Variants in CRIM1 observed in about 807,000 individuals in gnomAD.
CRIM1 encodes cysteine-rich motor neuron 1 protein.
CRIM1 carries 32 observed loss-of-function variants against 116.4 expected under a neutral mutation model. That is an observed-to-expected ratio of 0.27 (90% confidence interval 0.21 to 0.37). The LOEUF (loss-of-function observed/expected upper bound fraction) is 0.37. Among genes scored for constraint, CRIM1 ranks in the 10% least tolerant of loss-of-function variants. CRIM1 has a pLI of 1.00. For missense variants in CRIM1, 1,331 were observed against 1,354.8 expected, an observed-to-expected ratio of 0.98 and a Z score of 0.28; for synonymous variants, 590 against 509.2, an observed-to-expected ratio of 1.16 and a Z score of -2.13.
intron 8 of CRIM1, among the ~76,000 whole-genome samples, chr2:36,500,782 A>T (rs1680930600): frequency 6.6e-6 from 1 of 152,240 alleles, no homozygotes; most frequent in South Asian, 2.1e-4. Context: ...AAGCATTTAT[A>T]CCTTGAGTAG....
intron 2 of CRIM1, among the ~76,000 whole-genome samples, chr2:36,419,608 A>AAGAAGGAGGT (rs1439770268): frequency 1.3e-5 from 2 of 152,192 alleles, no homozygotes; most frequent in African/African-American, 4.8e-5. Context: ...CACTGATTTT[A>AAGAAGGAGGT]AGAAGGAGGT....
intron 2 of CRIM1, among the ~76,000 whole-genome samples, chr2:36,430,199 T>C (rs999983756): frequency 1.3e-5 from 2 of 152,214 alleles, no homozygotes; most frequent in African/African-American, 4.8e-5. Flanking sequence ...GGGAGTACTT[T>C]TTCCACCTAC....
chr2:36,382,247 G>T (rs1014511533), intron 1 of CRIM1, among the ~76,000 whole-genome samples: 11 of 152,210 alleles, frequency 7.2e-5, no homozygotes, highest in Non-Finnish European at 1.2e-4. Flanking sequence ...GCTTTTCACT[G>T]GGGATGTTTA....
intron 1 of CRIM1, among the ~76,000 whole-genome samples, chr2:36,382,920 GGAGT>G (rs1670893615): frequency 6.6e-6 from 1 of 152,180 alleles, no homozygotes; most frequent in Non-Finnish European, 1.5e-5. Context: ...GCATCCTTTG[GGAGT>G]TGTCTGCATT....
intron 5 of CRIM1, among the ~76,000 whole-genome samples, chr2:36,474,196 G>A (rs763081738): frequency 9.9e-5 from 15 of 151,810 alleles, no homozygotes; most frequent in Admixed American, 2.6e-4. Flanking sequence ...TATTTTTATC[G>A]TTTAATTATG....
rs1679036020 is a variant in CRIM1, at chr2:36,477,036, A to T, written c.1139A>T (p.Tyr380Phe). Residue 380 changes from tyrosine to phenylalanine, a missense_variant, in exon 6 of 17, where the codon TAC becomes TTC. Around this residue, in one of 3 missense-constraint regions of CRIM1, gnomAD observed 690 missense variants for 676.0 expected, o/e 1.02. Coordinates refer to ENST00000280527, the MANE Select transcript of CRIM1 (RefSeq NM_016441.3). ...GGTGAGATAAACTGCGAGAGGTACT[A>T]CGTGCCCGAAGGAGAGTGCTGCCCA... ...QCGEINCERY[Y>F]VPEGECCPVC... 6.2e-7 allele frequency: 1 copy of T among 1,613,442 alleles called. No homozygotes were observed. The highest frequency in any genetic ancestry group is 1.1e-5 in the South Asian group (1 of 90,982).
chr2:36,429,697 C>T (rs1284751856), intron 2 of CRIM1, among the ~76,000 whole-genome samples: 2 of 152,164 alleles, frequency 1.3e-5, no homozygotes. Context: ...GTTCTCAAAG[C>T]ACGGTGCCTA....
chr2:36,511,984 T>C (rs1361701742), intron 9 of CRIM1, among the ~76,000 whole-genome samples: 1 of 152,240 alleles, frequency 6.6e-6, no homozygotes, highest in Non-Finnish European at 1.5e-5. Context: ...CATCTTTTTA[T>C]TGTGGTGTAC....
At chr2:36,469,167 C>T (rs1678288986) in intron 5 of CRIM1, among the ~76,000 whole-genome samples, 1 of 152,108 alleles carries the variant, frequency 6.6e-6, no homozygotes, top group African/African-American at 2.4e-5. Flanking sequence ...AGGAAGAGTA[C>T]CCTCTTCCCA....
At chr2:36,485,810 T>TAATA (rs1679776502) in intron 7 of CRIM1, among the ~76,000 whole-genome samples, 1 of 152,194 alleles carries the variant, frequency 6.6e-6, no homozygotes, top group Non-Finnish European at 1.5e-5. Flanking sequence ...TACGATGCTA[T>TAATA]TATTAGTAAG....
Position 36,441,249 on chromosome 2 carries a change from C to T in CRIM1, c.506-9C>T, listed in dbSNP as rs770685984. ...TGGGCATAAGCTAAATTCTTTCTCT[C>T]CCTTTTAGAAGAGAAGCCAGATTGC... On this transcript the variant is annotated splice_polypyrimidine_tract_variant and intron_variant, in intron 2 of 16. Coordinates refer to ENST00000280527, the MANE Select transcript of CRIM1 (RefSeq NM_016441.3). 2.5e-6 allele frequency: 4 copies of T among 1,614,130 alleles called. No homozygotes were observed. Among genetic ancestry groups the T allele is most frequent in the Middle Eastern group, 1.6e-4 (1 of 6,062 alleles).
intron 8 of CRIM1, among the ~76,000 whole-genome samples, chr2:36,507,791 G>A (rs919124230): frequency 2.0e-5 from 3 of 152,216 alleles, no homozygotes; most frequent in African/African-American, 4.8e-5. Context: ...TAAAGGTGAA[G>A]CACATTCAAG....
intron 1 of CRIM1, among the ~76,000 whole-genome samples, chr2:36,382,615 T>TG (rs1031768142): frequency 2.0e-5 from 3 of 152,246 alleles, no homozygotes; most frequent in African/African-American, 7.2e-5. Context: ...AGCCCAGGTG[T>TG]GCAGCATCCC....
intron 1 of CRIM1, among the ~76,000 whole-genome samples, chr2:36,383,810 A>G (rs1201375643): frequency 2.0e-5 from 3 of 152,188 alleles, no homozygotes; most frequent in Admixed American, 6.5e-5. Context: ...AGGAAAAAAA[A>G]GTGTTCCTAA....
At chr2:36,391,930 TAATAA>T (rs1211718273) in intron 1 of CRIM1, among the ~76,000 whole-genome samples, 1 of 152,150 alleles carries the variant, frequency 6.6e-6, no homozygotes, top group Non-Finnish European at 1.5e-5. Context: ...GGAATTAAAA[TAATAA>T]AATAAAAATT....
At chr2:36,453,679 A>G (rs1437913112) in intron 4 of CRIM1, among the ~76,000 whole-genome samples, 1 of 152,256 alleles carries the variant, frequency 6.6e-6, no homozygotes, top group Non-Finnish European at 1.5e-5. Context: ...CTGATGTCTA[A>G]GAGCATATAT....
chr2:36,436,815 C>G (rs896468400), intron 2 of CRIM1, among the ~76,000 whole-genome samples: 1 of 152,056 alleles, frequency 6.6e-6, no homozygotes, highest in Non-Finnish European at 1.5e-5. Flanking sequence ...GGCAGTAAGA[C>G]TATAAATTAA....
At chr2:36,535,014 TC>T (rs1433138836) in intron 13 of CRIM1, among the ~76,000 whole-genome samples, 2 of 151,468 alleles carry the variant, frequency 1.3e-5, no homozygotes, top group African/African-American at 4.9e-5. Context: ...AAAACTAATG[TC>T]CTCAATGCAG....
chr2:36,357,288 G>A lies in CRIM1; in HGVS notation c.331+665G>A, dbSNP rs534427945. On this transcript the variant is annotated intron_variant, in intron 1 of 16. Coordinates refer to ENST00000280527, the MANE Select transcript of CRIM1 (RefSeq NM_016441.3). ...AAAGGCTTTCTCTCCTGAAAGGAAA[G>A]GGGGGTGGGGGTTGCACCTGGGAGT... 1.5e-4 allele frequency among the ~76,000 whole-genome samples: 23 copies of A among 152,238 alleles called. No individual in the cohort carries two copies. In the South Asian group the frequency reaches 4.2e-3, roughly 28 times the overall value.
Sources: allele counts gnomAD v4.1 joint callset (sites outside exome capture counted in the v4.1 genomes callset), GRCh38; gene constraint gnomAD v4.1.1; regional missense constraint gnomAD v4.1.1; transcripts MANE v1.5; gene names NCBI Gene and HGNC (gene_info 2026-07-23, HGNC 2026-07-21).